Variants in ARHGAP39 observed in about 807,000 individuals in gnomAD.
The protein encoded by ARHGAP39 is rho GTPase-activating protein 39.
In ARHGAP39, 44 loss-of-function variants were observed where a neutral mutation model predicts 106.9. That is an observed-to-expected ratio of 0.41 (90% CI 0.32 to 0.53). The LOEUF (loss-of-function observed/expected upper bound fraction) is 0.53. Ranked by LOEUF, ARHGAP39 falls within the 20% of genes least tolerant of loss-of-function variation. ARHGAP39 has a pLI of 0.21. For synonymous variants in ARHGAP39, 768 were observed against 693.2 expected, an observed-to-expected ratio of 1.11 and a Z score of -1.69; for missense variants, 1,496 against 1,577.3, an observed-to-expected ratio of 0.95 and a Z score of 0.87.
chr8:144,609,619 G>C (rs1183430323), intron 1 of ARHGAP39, among the ~76,000 whole-genome samples: 1 of 151,970 alleles, frequency 6.6e-6, no homozygotes, highest in Non-Finnish European at 1.5e-5. Context: ...GGCCAGGCTG[G>C]TCTTGAATTC....
intron 2 of ARHGAP39, among the ~76,000 whole-genome samples, chr8:144,601,760 C>G (rs1005938232): frequency 1.0e-4 from 11 of 110,506 alleles, no homozygotes; most frequent in South Asian, 9.7e-4. Flanking sequence ...TGCTCGTGAA[C>G]CTGTGTGTGT....
rs1819166520 is a variant in ARHGAP39 at position 144,585,850 on chromosome 8, G to T, written c.81-4573C>A. Among the ~76,000 whole-genome samples, 1 of 152,196 alleles carries T rather than the reference G, an allele frequency of 6.6e-6. No homozygotes were observed. The highest frequency in any genetic ancestry group is 1.5e-5 in the Non-Finnish European group (1 of 68,030). ...CACACAAATAAAAATGGCAACTGTTGAAAGGGGCTGGACGGGTGCCCTGCC... is the reference window on the plus strand; with the variant it reads ...CACACAAATAAAAATGGCAACTGTTTAAAGGGGCTGGACGGGTGCCCTGCC... On this transcript the variant is annotated intron_variant, in intron 2 of 11. Transcript: ENST00000377307. This position sits in a 1 kb window ranked among gnomAD's most constrained non-coding sequence, Gnocchi z 4.6.
intron 1 of ARHGAP39, among the ~76,000 whole-genome samples, chr8:144,606,327 C>T (rs1820290323): frequency 6.6e-6 from 1 of 152,190 alleles, no homozygotes; most frequent in African/African-American, 2.4e-5. Flanking sequence ...CCTCTGCCTC[C>T]CCTGAGACAG....
chr8:144,647,550 C>T lies in ARHGAP39; in HGVS notation c.-82+38136G>A, dbSNP rs138819813. On this transcript the variant is annotated intron_variant, in intron 1 of 11. Transcript: ENST00000377307. This position sits in a 1 kb window ranked among gnomAD's most constrained non-coding sequence, Gnocchi z 4.8. Reference sequence around the variant, plus strand: ...CTGCCCTGTGCACTGCTGTCAGCCACGCCTGAACAGAGACTCTCATTCTTC... The same window carrying T: ...CTGCCCTGTGCACTGCTGTCAGCCATGCCTGAACAGAGACTCTCATTCTTC... Among the ~76,000 whole-genome samples, 20 of 152,330 alleles carry T rather than the reference C, an allele frequency of 1.3e-4. No homozygotes were observed. Among genetic ancestry groups the T allele is most frequent in the African/African-American group, 4.1e-4 (17 of 41,586 alleles).
At chr8:144,663,235 T>C (rs986793740) in intron 1 of ARHGAP39, among the ~76,000 whole-genome samples, 2 of 151,950 alleles carry the variant, frequency 1.3e-5, no homozygotes, top group African/African-American at 4.8e-5. Context: ...TACCTGAATC[T>C]AGGTAATTTA....
rs547433773 is a variant in ARHGAP39 at position 144,596,266 on chromosome 8, C to T, written c.80+9269G>A. ...CCACCCCTCAGTGGGCAGAGGGGGACGGCTGAGGCCTCGCCACCCCGGCAC... is the reference window on the plus strand; with the variant it reads ...CCACCCCTCAGTGGGCAGAGGGGGATGGCTGAGGCCTCGCCACCCCGGCAC... On this transcript the variant is annotated intron_variant, in intron 2 of 11. Transcript: ENST00000377307. 4.0e-5 allele frequency among the ~76,000 whole-genome samples: 6 copies of T among 148,408 alleles called. No homozygotes were observed. In the South Asian group the frequency reaches 8.5e-4, roughly 21 times the overall value.
chr8:144,555,729 C>G (rs1212965490), intron 3 of ARHGAP39, 86 bp from the exon 4 acceptor site: 9 of 1,155,710 alleles, frequency 7.8e-6, no homozygotes, highest in African/African-American at 1.5e-5. Context: ...GAATGTGGCA[C>G]TGCCACCTCA....
At chr8:144,532,894 G>A (rs561096079) in intron 9 of ARHGAP39, among the ~76,000 whole-genome samples, 4 of 152,292 alleles carry the variant, frequency 2.6e-5, no homozygotes, top group East Asian at 1.9e-4. Flanking sequence ...CTGCAGGGGC[G>A]CCCTCCCTGG....
chr8:144,658,671 GT>G (rs1356079857), intron 1 of ARHGAP39, among the ~76,000 whole-genome samples: 1 of 152,102 alleles, frequency 6.6e-6, no homozygotes, highest in Non-Finnish European at 1.5e-5. Flanking sequence ...AGGGATGACT[GT>G]GTATCATAAC....
At chr8:144,557,196 C>T (rs528872571) in intron 3 of ARHGAP39, among the ~76,000 whole-genome samples, 1 of 143,922 alleles carries the variant, frequency 6.9e-6, no homozygotes, top group South Asian at 2.1e-4. Flanking sequence ...GCTGAACCTT[C>T]GTAGTATTCA....
intron 1 of ARHGAP39, among the ~76,000 whole-genome samples, chr8:144,632,696 C>G (rs1231708217): frequency 6.6e-6 from 1 of 152,242 alleles, no homozygotes; most frequent in Non-Finnish European, 1.5e-5. Flanking sequence ...CGCTGCACAT[C>G]AGGTGATGGC....
At position 144,533,216 on chromosome 8, in the gene ARHGAP39, C is replaced by T. The variant is rs777221205; in HGVS notation, c.2798G>A (p.Arg933His). Residue 933 changes from arginine to histidine, a missense_variant, in exon 9 of 12, where the codon CGC (arginine) becomes CAC (histidine). Transcript: ENST00000377307. ...CCAGGGCAGCTGGCGCTCGGGGTAG[C>T]GCTCTCTCTGCATGCCCATGACCTC... ...LQEVMGMQRERYPERQLPWVQ... is the reference protein window; with the variant it reads ...LQEVMGMQREHYPERQLPWVQ... 4.3e-6 allele frequency: 7 copies of T among 1,612,924 alleles called. No individual in the cohort carries two copies. Among genetic ancestry groups the T allele is most frequent in the Admixed American group, 1.7e-5 (1 of 60,030 alleles).
intron 1 of ARHGAP39, among the ~76,000 whole-genome samples, chr8:144,674,998 C>T (rs1182322809): frequency 1.3e-5 from 2 of 152,106 alleles, no homozygotes; most frequent in Non-Finnish European, 2.9e-5. Flanking sequence ...CCCGAGAGAG[C>T]AGGGATGTCT....
intron 2 of ARHGAP39, among the ~76,000 whole-genome samples, chr8:144,594,875 G>A (rs117124002): frequency 6.6e-6 from 1 of 151,844 alleles, no homozygotes; most frequent in Non-Finnish European, 1.5e-5. Flanking sequence ...ACAGAGTGAG[G>A]CTCTGTCTGA....
chr8:144,638,527 C>T (rs1821233072), intron 1 of ARHGAP39, among the ~76,000 whole-genome samples: 1 of 152,172 alleles, frequency 6.6e-6, no homozygotes, highest in African/African-American at 2.4e-5. Context: ...TCTCAATCAA[C>T]CTCTCTGTCA....
At chr8:144,635,225 G>C (rs1295041217) in intron 1 of ARHGAP39, among the ~76,000 whole-genome samples, 3 of 152,254 alleles carry the variant, frequency 2.0e-5, no homozygotes, top group Non-Finnish European at 4.4e-5. Flanking sequence ...CGCACGATTA[G>C]AGGGGTGGAA....
intron 1 of ARHGAP39, among the ~76,000 whole-genome samples, chr8:144,620,693 A>G (rs954770635): frequency 6.6e-5 from 10 of 152,198 alleles, no homozygotes; most frequent in Non-Finnish European, 1.3e-4. Context: ...TCCAAACCCA[A>G]TTCAGGTCCA....
chr8:144,585,383 C>T lies in ARHGAP39; in HGVS notation c.81-4106G>A, dbSNP rs1819142893. Among the ~76,000 whole-genome samples, 1 of 150,530 alleles carries T rather than the reference C, an allele frequency of 6.6e-6. No individual in the cohort carries two copies. The highest frequency in any genetic ancestry group is 1.5e-5 in the Non-Finnish European group (1 of 67,490). On this transcript the variant is annotated intron_variant, in intron 2 of 11. Coordinates refer to ENST00000377307, the MANE Select transcript of ARHGAP39 (RefSeq NM_025251.3). The surrounding 1 kb of genome is among the most constrained non-coding windows in gnomAD (Gnocchi z 4.6). The stretch of plus-strand genomic sequence containing the variant: ...CCTGGAGGGGCCAGCCAAGGGTTCC[C>T]AGCACCGGCTCACCGAGAACCTGGA...
In ARHGAP39 at chr8:144,642,955, G is replaced by C. The variant is rs541529487; in HGVS notation, c.-81-37260C>G. ...TTGAGCACAGGAGATTGAGGCTGCC[G>C]TGAGCCGACATCACACCACTCCACT... On this transcript the variant is annotated intron_variant, in intron 1 of 11. Transcript: ENST00000377307. 1.6e-4 allele frequency among the ~76,000 whole-genome samples: 24 copies of C among 152,080 alleles called. No individual in the cohort carries two copies. The South Asian group carries it at 5.0e-3, about 32-fold the overall frequency.
Sources: allele counts gnomAD v4.1 joint callset (sites outside exome capture counted in the v4.1 genomes callset), GRCh38; gene constraint gnomAD v4.1.1; non-coding constraint Gnocchi (gnomAD v3.1); transcripts MANE v1.5; gene names NCBI Gene and HGNC (gene_info 2026-07-23, HGNC 2026-07-21).